Variants in EXOC6B observed in about 807,000 individuals in gnomAD.
EXOC6B encodes the protein exocyst complex component 6B.
In EXOC6B, 54 loss-of-function variants were observed where a neutral mutation model predicts 113.5. That is an observed-to-expected ratio of 0.48 (90% CI 0.38 to 0.60). The LOEUF (loss-of-function observed/expected upper bound fraction) is 0.60, where lower values mean the gene tolerates loss of function less well. Among genes scored for constraint, EXOC6B ranks in the 20% least tolerant of loss-of-function variants. The probability of loss-of-function intolerance (pLI) is 0.00; values close to 1 mark genes in which losing one functional copy is unlikely to be tolerated. For synonymous variants in EXOC6B, 357 were observed against 339.0 expected (o/e 1.05, Z -0.58); for missense variants, 797 against 977.5 (o/e 0.82, Z 2.46).
At chr2:72,585,801 T>A (rs1228914305) in intron 6 of EXOC6B, among the ~76,000 whole-genome samples, 1 of 151,826 alleles carries the variant, frequency 6.6e-6, no homozygotes, top group African/African-American at 2.4e-5. Context: ...GTATAAGTAA[T>A]GAAAAAAACC....
At chr2:72,696,006 A>G (rs907770757) in intron 6 of EXOC6B, among the ~76,000 whole-genome samples, 26 of 152,060 alleles carry the variant, frequency 1.7e-4, no homozygotes, top group Admixed American at 4.6e-4. Flanking sequence ...CTACTGGTGT[A>G]TATATATATA....
chr2:72,524,161 A>C (rs911730672), intron 8 of EXOC6B, among the ~76,000 whole-genome samples: 6 of 151,982 alleles, frequency 3.9e-5, no homozygotes, highest in Non-Finnish European at 5.9e-5. Flanking sequence ...AAAAAAAAAA[A>C]AAAAAAAAAA....
chr2:72,504,503 C>T (rs964677973), intron 11 of EXOC6B, among the ~76,000 whole-genome samples: 2 of 152,126 alleles, frequency 1.3e-5, no homozygotes, highest in African/African-American at 4.8e-5. Flanking sequence ...TTTTCATGCT[C>T]TCTAGTATCC....
intron 8 of EXOC6B, among the ~76,000 whole-genome samples, chr2:72,541,471 T>C (rs1292928830): frequency 1.3e-5 from 2 of 152,152 alleles, no homozygotes; most frequent in Admixed American, 6.5e-5. Context: ...TCTTGGTAAT[T>C]AAGTGCATTC....
At chr2:72,208,115 G>T (rs1416615336) in intron 20 of EXOC6B, among the ~76,000 whole-genome samples, 1 of 152,036 alleles carries the variant, frequency 6.6e-6, no homozygotes, top group Non-Finnish European at 1.5e-5. Flanking sequence ...GATACAGGGG[G>T]TATATGTGCA....
intron 18 of EXOC6B, among the ~76,000 whole-genome samples, chr2:72,383,059 A>T (rs749412638): frequency 1.3e-5 from 2 of 152,174 alleles, no homozygotes; most frequent in Non-Finnish European, 2.9e-5. Context: ...AACTTAGTAA[A>T]CACCTTTCTG....
In EXOC6B at chr2:72,453,655, T is replaced by A. The variant is rs147111722; in HGVS notation, c.1980+11505A>T. On this transcript the variant is annotated intron_variant, in intron 18 of 21. Coordinates refer to ENST00000272427, the MANE Select transcript of EXOC6B (RefSeq NM_015189.3). ...CTGAATAATAGTATTAAAGTTTATA[T>A]AACAGTTTGCCTATCATTACACAGT... Among the ~76,000 whole-genome samples, 34 of 152,324 alleles carry A rather than the reference T, an allele frequency of 2.2e-4. No homozygotes were observed. The East Asian group carries it at 5.2e-3, about 23-fold the overall frequency.
intron 1 of EXOC6B, among the ~76,000 whole-genome samples, chr2:72,791,699 C>A (rs1207385166): frequency 6.6e-6 from 1 of 152,136 alleles, no homozygotes; most frequent in Non-Finnish European, 1.5e-5. Context: ...GTAGTCAATA[C>A]CCAAAGGATA....
chr2:72,345,065 C>T (rs1689250360), intron 19 of EXOC6B, among the ~76,000 whole-genome samples: 1 of 152,060 alleles, frequency 6.6e-6, no homozygotes, highest in Admixed American at 6.6e-5. Context: ...GGAACACACG[C>T]ACAATTGCCT....
At chr2:72,718,447 C>A in intron 5 of EXOC6B, 140 bp from the exon 6 acceptor site, 1 of 515,802 alleles carries the variant, frequency 1.9e-6, no homozygotes, top group Non-Finnish European at 3.4e-6. Context: ...AAAAGAATCT[C>A]AAATTATTAA....
intron 20 of EXOC6B, among the ~76,000 whole-genome samples, chr2:72,287,072 T>A (rs1023445449): frequency 6.6e-6 from 1 of 151,772 alleles, no homozygotes; most frequent in Non-Finnish European, 1.5e-5. Flanking sequence ...CTCAAGAAGT[T>A]AAAGGATAGC....
intron 5 of EXOC6B, among the ~76,000 whole-genome samples, chr2:72,729,742 T>A (rs932738363): frequency 6.6e-6 from 1 of 151,998 alleles, no homozygotes; most frequent in East Asian, 1.9e-4. Context: ...GATTTTAAAT[T>A]CTCTATAATT....
At chr2:72,802,661 G>T (rs1048678115) in intron 1 of EXOC6B, among the ~76,000 whole-genome samples, 34 of 152,034 alleles carry the variant, frequency 2.2e-4, no homozygotes, top group African/African-American at 7.7e-4. Context: ...AAATCAGAAA[G>T]AAAAGGCCCT....
intron 8 of EXOC6B, among the ~76,000 whole-genome samples, chr2:72,555,291 A>C (rs948855306): frequency 2.0e-5 from 3 of 152,198 alleles, no homozygotes; most frequent in Non-Finnish European, 2.9e-5. Flanking sequence ...TGGCTGGGTC[A>C]AATGGTATTT....
At chr2:72,742,772 C>T (rs1261313010) in intron 1 of EXOC6B, among the ~76,000 whole-genome samples, 2 of 152,124 alleles carry the variant, frequency 1.3e-5, no homozygotes, top group African/African-American at 4.8e-5. Context: ...CACCTGTGCT[C>T]TCTCATTAAG....
intron 20 of EXOC6B, among the ~76,000 whole-genome samples, chr2:72,327,100 C>T (rs1406932625): frequency 6.6e-6 from 1 of 152,042 alleles, no homozygotes; most frequent in Non-Finnish European, 1.5e-5. Context: ...ACATATCTGC[C>T]ATTTATGATA....
At chr2:72,308,157 C>A (rs1011527685) in intron 20 of EXOC6B, among the ~76,000 whole-genome samples, 1 of 152,092 alleles carries the variant, frequency 6.6e-6, no homozygotes, top group Non-Finnish European at 1.5e-5. Context: ...TCAATATTTT[C>A]TTTTTCCATT....
chr2:72,650,774 T>A (rs901838236), intron 6 of EXOC6B, among the ~76,000 whole-genome samples: 18 of 150,402 alleles, frequency 1.2e-4, no homozygotes, highest in Admixed American at 3.3e-4. Context: ...CAAAAAAAAA[T>A]GGCAAAATCA....
intron 19 of EXOC6B, among the ~76,000 whole-genome samples, chr2:72,377,305 A>T (rs1691417287): frequency 6.6e-6 from 1 of 152,188 alleles, no homozygotes; most frequent in Admixed American, 6.6e-5. Context: ...TTCCTCAAGT[A>T]GTTTTAACGT....
Sources: allele counts gnomAD v4.1 joint callset (sites outside exome capture counted in the v4.1 genomes callset), GRCh38; gene constraint gnomAD v4.1.1; transcripts MANE v1.5; gene names NCBI Gene and HGNC (gene_info 2026-07-23, HGNC 2026-07-21).